Variants in BMP2K observed in about 807,000 individuals in gnomAD.
BMP2K encodes the protein BMP2 inducible kinase.
Under a neutral mutation model 116.0 loss-of-function variants are expected in BMP2K, and 74 were observed. That is an observed-to-expected ratio of 0.64 (90% confidence interval 0.53 to 0.77). The LOEUF is 0.77. BMP2K is among the 30% of genes least tolerant of loss of function. BMP2K has a pLI of 0.00. For missense variants in BMP2K, 1,365 were observed against 1,403.6 expected, an observed-to-expected ratio of 0.97 and a Z score of 0.44; for synonymous variants, 486 against 502.5, an observed-to-expected ratio of 0.97 and a Z score of 0.44.
intron 13 of BMP2K, among the ~76,000 whole-genome samples, chr4:78,873,658 CTGTGTGTGTGTGTGTGTGTGTGTG>C (rs377226626): frequency 6.0e-4 from 84 of 139,536 alleles, no homozygotes; most frequent in African/African-American, 1.8e-3. Context: ...CTCCCAACCT[CTGTGTGTGTGTGTGTGTGTGTGTG>C]TGTGTGTGTG....
Position 78,871,071 on chromosome 4 carries a change from TG to T in BMP2K, c.1509+12del, listed in dbSNP as rs772163101. 13 of 1,600,456 alleles carry T rather than the reference TG, an allele frequency of 8.1e-6. No homozygotes were observed. In the African/African-American group the frequency reaches 1.7e-4, roughly 21 times the overall value. On this transcript the variant is annotated intron_variant, in intron 11 of 15. Coordinates refer to ENST00000502613, the MANE Select transcript of BMP2K (RefSeq NM_198892.2). Reference sequence around the variant, plus strand: ...GCTTATATGCAGCAGGTAATTTTTTTGTTTCTTTAGATATGGAAGTAGTGTG... The same window carrying T: ...GCTTATATGCAGCAGGTAATTTTTTTTTTCTTTAGATATGGAAGTAGTGTG...
intron 15 of BMP2K, among the ~76,000 whole-genome samples, chr4:78,906,918 G>A (rs900713075): frequency 1.3e-5 from 2 of 152,102 alleles, no homozygotes; most frequent in Non-Finnish European, 2.9e-5. Context: ...ACCTTGTCAG[G>A]ATTATTATTG....
At chr4:78,826,239 A>G (rs548658208) in intron 2 of BMP2K, 84 bp downstream of exon 2, 2 of 1,063,484 alleles carry the variant, frequency 1.9e-6, no homozygotes, top group East Asian at 4.8e-5. Flanking sequence ...GTGGAGTGGC[A>G]CGCCCAGGCT....
intron 1 of BMP2K, among the ~76,000 whole-genome samples, chr4:78,802,170 G>A (rs1274137513): frequency 1.3e-5 from 2 of 152,208 alleles, no homozygotes; most frequent in Non-Finnish European, 2.9e-5. Flanking sequence ...TTGCTGTTGA[G>A]AAGTTGGTAG....
chr4:78,831,794 T>G (rs1730219087), intron 2 of BMP2K, among the ~76,000 whole-genome samples: 1 of 152,204 alleles, frequency 6.6e-6, no homozygotes, highest in South Asian at 2.1e-4. Flanking sequence ...AAATGTAGAA[T>G]AAAAATTTCC....
chr4:78,801,263 C>G (rs1360579596), intron 1 of BMP2K, among the ~76,000 whole-genome samples: 1 of 151,798 alleles, frequency 6.6e-6, no homozygotes, highest in Non-Finnish European at 1.5e-5. Context: ...GTGGCCCAAT[C>G]CTAGATACTC....
At chr4:78,904,413 C>T (rs1005831087) in intron 15 of BMP2K, among the ~76,000 whole-genome samples, 3 of 151,910 alleles carry the variant, frequency 2.0e-5, no homozygotes, top group Non-Finnish European at 4.4e-5. Context: ...TTTGTGTCCT[C>T]TTGACACTTA....
intron 1 of BMP2K, among the ~76,000 whole-genome samples, chr4:78,825,548 G>A (rs1027308836): frequency 6.6e-6 from 1 of 152,166 alleles, no homozygotes; most frequent in African/African-American, 2.4e-5. Flanking sequence ...TCCTAAATCA[G>A]TTACTGATAA....
intron 6 of BMP2K, among the ~76,000 whole-genome samples, chr4:78,847,912 G>A (rs1325997036): frequency 1.3e-5 from 2 of 151,606 alleles, no homozygotes; most frequent in African/African-American, 4.8e-5. Flanking sequence ...AAATTCAGCA[G>A]TTACTTAGCC....
At chr4:78,864,704 T>C (rs1731960479) in intron 9 of BMP2K, among the ~76,000 whole-genome samples, 1 of 152,150 alleles carries the variant, frequency 6.6e-6, no homozygotes, top group Non-Finnish European at 1.5e-5. Flanking sequence ...CATATGTATG[T>C]AAAAATTTTA....
At chr4:78,797,577 T>C (rs571707532) in intron 1 of BMP2K, among the ~76,000 whole-genome samples, 2 of 152,302 alleles carry the variant, frequency 1.3e-5, no homozygotes, top group African/African-American at 4.8e-5. Flanking sequence ...AAACTAGATA[T>C]TAATTTGGAG....
At chr4:78,789,112 T>G (rs567951819) in intron 1 of BMP2K, among the ~76,000 whole-genome samples, 1 of 152,176 alleles carries the variant, frequency 6.6e-6, no homozygotes, top group African/African-American at 2.4e-5. Flanking sequence ...TTAACTGTAA[T>G]TGGTATTGTT....
rs374993778 is a variant in BMP2K at position 78,806,989 on chromosome 4, A to G, written c.179-19048A>G. On this transcript the variant is annotated intron_variant, in intron 1 of 15. Transcript: ENST00000502613. Reference sequence around the variant, plus strand: ...ATCAGCTTCCCGAGTAGCTGGGATTACAGGCGCCTGCTACCACCCCCAGCT... The same window carrying G: ...ATCAGCTTCCCGAGTAGCTGGGATTGCAGGCGCCTGCTACCACCCCCAGCT... Among the ~76,000 whole-genome samples, 6 of 151,846 alleles carry G rather than the reference A, an allele frequency of 4.0e-5. 1 individual carries two copies. Among genetic ancestry groups the G allele is most frequent in the Non-Finnish European group, 8.8e-5 (6 of 67,958 alleles).
At chr4:78,823,177 G>A (rs1385120835) in intron 1 of BMP2K, among the ~76,000 whole-genome samples, 2 of 152,120 alleles carry the variant, frequency 1.3e-5, no homozygotes, top group Admixed American at 6.6e-5. Flanking sequence ...ATTAGGGTTA[G>A]TAGAATTGGA....
chr4:78,837,667 T>C (rs976925176), intron 3 of BMP2K, among the ~76,000 whole-genome samples: 1 of 152,136 alleles, frequency 6.6e-6, no homozygotes, highest in African/African-American at 2.4e-5. Flanking sequence ...GACCCTTCTT[T>C]CTTTGTTTTT....
At chr4:78,819,140 G>A (rs1729497159) in intron 1 of BMP2K, among the ~76,000 whole-genome samples, 1 of 152,214 alleles carries the variant, frequency 6.6e-6, no homozygotes, top group South Asian at 2.1e-4. Flanking sequence ...TTTCTTCTTG[G>A]AATCTAGCAT....
At chr4:78,838,368 A>T (rs1730596540) in intron 3 of BMP2K, among the ~76,000 whole-genome samples, 1 of 152,124 alleles carries the variant, frequency 6.6e-6, no homozygotes, top group South Asian at 2.1e-4. Context: ...TTTTCTTCGG[A>T]TGTTTTACCT....
At chr4:78,859,354 A>C in intron 7 of BMP2K, 2 of 335,358 alleles carry the variant, frequency 6.0e-6, no homozygotes, top group Non-Finnish European at 1.1e-5. Context: ...TGTCATTCAT[A>C]CTTCTAGTGT....
intron 5 of BMP2K, among the ~76,000 whole-genome samples, 182 bp downstream of exon 5, chr4:78,845,231 A>G (rs1054536930): frequency 2.0e-5 from 3 of 151,564 alleles, no homozygotes; most frequent in Admixed American, 6.6e-5. Context: ...ATTTTGCCAT[A>G]GATGCAGATT....
Sources: allele counts gnomAD v4.1 joint callset (sites outside exome capture counted in the v4.1 genomes callset), GRCh38; gene constraint gnomAD v4.1.1; transcripts MANE v1.5; gene names NCBI Gene and HGNC (gene_info 2026-07-23, HGNC 2026-07-21).